The following PRR23E variants were observed in gnomAD, a reference collection of about 807,000 sequenced individuals.
PRR23E encodes proline-rich protein 23E.
the PRR23E span, chr3:127,196,713 G>A: frequency 6.3e-7 from 1 of 1,592,716 alleles, no homozygotes; most frequent in Non-Finnish European, 8.5e-7. Context: ...AGAGAAACAA[G>A]CAGAGCAGAA....
the PRR23E span, chr3:127,197,050 C>T: frequency 6.3e-7 from 1 of 1,593,896 alleles, no homozygotes; most frequent in African/African-American, 1.3e-5. Flanking sequence ...TATCTGGCTG[C>T]CTTGGCCCCC....
the PRR23E span, chr3:127,196,748 C>T: frequency 1.1e-5 from 17 of 1,595,378 alleles, no homozygotes; most frequent in Middle Eastern, 1.7e-4. Flanking sequence ...TCGAGGCCTC[C>T]GAGGAAGCCC....
At chr3:127,198,063 T>G in the PRR23E span, 1 of 152,180 alleles carries the variant, frequency 6.6e-6, no homozygotes, top group Non-Finnish European at 1.5e-5. Flanking sequence ...TGCCCTTGGG[T>G]CCTTGCGGGT....
the PRR23E span, among the ~76,000 whole-genome samples, chr3:127,196,060 A>G: frequency 1.3e-5 from 2 of 152,010 alleles, no homozygotes; most frequent in Non-Finnish European, 2.9e-5. Context: ...TCCAGGAGAA[A>G]CCTGACAGGC....
At chr3:127,196,748 C>CG in the PRR23E span, 1 of 1,595,380 alleles carries the variant, frequency 6.3e-7, no homozygotes, top group Non-Finnish European at 8.5e-7. Flanking sequence ...TCGAGGCCTC[C>CG]GAGGAAGCCC....
the PRR23E span, chr3:127,196,760 C>G: frequency 1.9e-6 from 3 of 1,596,028 alleles, no homozygotes; most frequent in Non-Finnish European, 2.5e-6. Context: ...AGGAAGCCCA[C>G]GGGACTCTGG....
the PRR23E span, chr3:127,196,971 G>T: frequency 6.3e-7 from 1 of 1,599,424 alleles, no homozygotes; most frequent in South Asian, 1.1e-5. Context: ...CCCTCCAGCT[G>T]CCTTGGTGCC....
At chr3:127,197,279 A>G in the PRR23E span, 10 of 1,599,178 alleles carry the variant, frequency 6.3e-6, no homozygotes, top group Non-Finnish European at 7.6e-6. Flanking sequence ...GTATTTGGGC[A>G]CCTTTGCCCT....
chr3:127,193,937 C>T, the PRR23E span, among the ~76,000 whole-genome samples: 2 of 152,032 alleles, frequency 1.3e-5, no homozygotes, highest in Non-Finnish European at 2.9e-5. Flanking sequence ...TGCCCTTGGG[C>T]GAGATTGTTG....
the PRR23E span, among the ~76,000 whole-genome samples, chr3:127,193,670 G>A: frequency 1.3e-5 from 2 of 152,196 alleles, no homozygotes; most frequent in Non-Finnish European, 2.9e-5. Context: ...CCAGATGAAG[G>A]CAGTCTGGCT....
At chr3:127,196,849 T>C in the PRR23E span, 9 of 1,599,336 alleles carry the variant, frequency 5.6e-6, no homozygotes, top group East Asian at 2.2e-5. Context: ...GTAACTGACC[T>C]GGCCCTCTGG....
At chr3:127,196,095 T>C in the PRR23E span, among the ~76,000 whole-genome samples, 1 of 152,154 alleles carries the variant, frequency 6.6e-6, no homozygotes, top group African/African-American at 2.4e-5. Context: ...CTGCATCCTT[T>C]GGAGGAAATG....
chr3:127,196,807 A>G, the PRR23E span: 23 of 1,598,242 alleles, frequency 1.4e-5, no homozygotes, highest in Non-Finnish European at 1.9e-5. Flanking sequence ...GGCTCTGCCT[A>G]TGGTTCCTGT....
chr3:127,198,184 A>G, the PRR23E span: 1 of 152,172 alleles, frequency 6.6e-6, no homozygotes, highest in African/African-American at 2.4e-5. Flanking sequence ...CTATGCTATA[A>G]ATCATGTTTT....
At chr3:127,194,616 T>C in the PRR23E span, among the ~76,000 whole-genome samples, 1 of 152,180 alleles carries the variant, frequency 6.6e-6, no homozygotes, top group African/African-American at 2.4e-5. Flanking sequence ...TGCATTTCGG[T>C]TTCCTCCTGC....
chr3:127,197,077 C>A, the PRR23E span: 5 of 1,597,796 alleles, frequency 3.1e-6, no homozygotes, highest in South Asian at 5.5e-5. Flanking sequence ...TTTCCTTTCC[C>A]CATGAAATTC....
chr3:127,196,870 A>T, the PRR23E span: 1 of 1,598,570 alleles, frequency 6.3e-7, no homozygotes. Context: ...CCTGTCATCT[A>T]CTCCTGCATG....
the PRR23E span, among the ~76,000 whole-genome samples, chr3:127,196,074 G>T: frequency 2.0e-5 from 3 of 152,158 alleles, no homozygotes; most frequent in African/African-American, 7.2e-5. Context: ...GACAGGCCTT[G>T]TGTTCAGACA....
the PRR23E span, chr3:127,197,035 G>A: frequency 2.7e-4 from 423 of 1,595,374 alleles, 5 homozygotes; most frequent in East Asian, 5.9e-3. Flanking sequence ...CTCATAGGAA[G>A]TCCGTATCTG....
Sources: allele counts gnomAD v4.1 joint callset (sites outside exome capture counted in the v4.1 genomes callset), GRCh38; gene constraint gnomAD v4.1.1; transcripts MANE v1.5; gene names NCBI Gene and HGNC (gene_info 2026-07-23, HGNC 2026-07-21).